The following STK24 variants were observed in gnomAD, a reference collection of about 807,000 sequenced individuals.
STK24 encodes the protein serine/threonine kinase 24, also known as serine/threonine-protein kinase 24.
A neutral mutation model predicts 55.6 loss-of-function variants in STK24; 21 were observed. That is an observed-to-expected ratio of 0.38 (90% CI 0.27 to 0.54). The LOEUF (loss-of-function observed/expected upper bound fraction) is 0.54, where lower values mean the gene tolerates loss of function less well. Among genes scored for constraint, STK24 ranks in the 20% least tolerant of loss-of-function variants. The pLI is 0.79. For missense variants in STK24, 383 were observed against 538.4 expected (o/e 0.71, Z 2.86); for synonymous variants, 200 against 215.2 (o/e 0.93, Z 0.62).
chr13:98,574,005 AT>A (rs1322819805), intron 1 of STK24, among the ~76,000 whole-genome samples: 1 of 146,948 alleles, frequency 6.8e-6, no homozygotes, highest in African/African-American at 2.6e-5. Flanking sequence ...ACTCTGCTTT[AT>A]TTTTTTATTT....
Position 98,546,130 on chromosome 13 carries a change from G to A in STK24, c.43-26657C>T, listed in dbSNP as rs977431205. Among the ~76,000 whole-genome samples, 7 of 152,166 alleles carry A rather than the reference G, an allele frequency of 4.6e-5. 1 individual carries two copies. The East Asian group carries it at 5.8e-4, about 13-fold the overall frequency. On this transcript the variant is annotated intron_variant, in intron 1 of 10. Transcript: ENST00000539966. ...TTTAAAAGACAATGCACAGATGACC[G>A]CTGCGGCAAAGGCTGGGCAGGGTGC...
chr13:98,572,994 A>T (rs1288443719), intron 1 of STK24, among the ~76,000 whole-genome samples: 1 of 152,168 alleles, frequency 6.6e-6, no homozygotes, highest in Non-Finnish European at 1.5e-5. Flanking sequence ...ATGCTCCAAA[A>T]TATGAAACTT....
intron 7 of STK24, among the ~76,000 whole-genome samples, chr13:98,462,753 A>T (rs1048228196): frequency 6.6e-6 from 1 of 152,142 alleles, no homozygotes; most frequent in Non-Finnish European, 1.5e-5. Flanking sequence ...TCTCTCCTGG[A>T]CAACTCAGAC....
chr13:98,466,875 AGAG>A (rs1351377885), intron 5 of STK24, among the ~76,000 whole-genome samples: 3 of 152,170 alleles, frequency 2.0e-5, no homozygotes, highest in Non-Finnish European at 2.9e-5. Context: ...AGGTGAGCAG[AGAG>A]GAGGAGTCCG....
In STK24 at chr13:98,451,005, G is replaced by A. The variant is rs958109586; in HGVS notation, c.*2168C>T. On this transcript the variant is annotated 3_prime_UTR_variant, in exon 11 of 11. Transcript: ENST00000539966. ...ACCACTTGTTGCTCTACGGGGGAAG[G>A]GGCTGAGTATGATTTGTCTGGCGAC... is the stretch of plus-strand genomic sequence containing the variant. 1 of 152,168 alleles carries A rather than the reference G, an allele frequency of 6.6e-6. No individual in the cohort carries two copies. Among genetic ancestry groups the A allele is most frequent in the African/African-American group, 2.4e-5 (1 of 41,426 alleles). The allele number at this position is 152,168 out of a possible 1,614,324, so 9.4% of individuals were successfully genotyped here. A position where few individuals can be genotyped will look rare whatever the true frequency, so the allele number is the denominator to read the frequency against.
Position 98,576,824 on chromosome 13 carries a change from G to A in STK24, c.-38C>T, listed in dbSNP as rs1897913374. Reference sequence around the variant, plus strand: ...GGCCACTTCCTGGGACGGGACGGCCGGGCCGCGACGATCCGCGCGGGGCGG... The same window carrying A: ...GGCCACTTCCTGGGACGGGACGGCCAGGCCGCGACGATCCGCGCGGGGCGG... On this transcript the variant is annotated 5_prime_UTR_variant, in exon 1 of 11. Transcript: ENST00000539966. The A allele has an allele frequency of 1.3e-5, 16 of 1,203,854 alleles. No individual in the cohort carries two copies. Among genetic ancestry groups the A allele is most frequent in the South Asian group, 5.9e-5 (2 of 34,088 alleles). 74.6% of individuals were successfully genotyped at this position (1,203,854 alleles called of 1,614,324 possible).
At chr13:98,563,356 T>C (rs1897480138) in intron 1 of STK24, among the ~76,000 whole-genome samples, 2 of 152,140 alleles carry the variant, frequency 1.3e-5, no homozygotes. Context: ...TGCAAGTAGT[T>C]TCACTTCACA....
chr13:98,512,169 T>TG (rs1566377557), intron 2 of STK24, among the ~76,000 whole-genome samples: 1 of 152,188 alleles, frequency 6.6e-6, no homozygotes, highest in Non-Finnish European at 1.5e-5. Context: ...ATTACAGGCG[T>TG]GAGCCACTGT....
chr13:98,571,141 G>A (rs1371539231), intron 1 of STK24, among the ~76,000 whole-genome samples: 5 of 152,150 alleles, frequency 3.3e-5, no homozygotes, highest in Non-Finnish European at 7.3e-5. Context: ...CCTGGACTGC[G>A]GCTTTAGAGT....
At chr13:98,457,634 T>C (rs561095492) in intron 9 of STK24, among the ~76,000 whole-genome samples, 2 of 152,156 alleles carry the variant, frequency 1.3e-5, no homozygotes, top group African/African-American at 4.8e-5. Context: ...CATGCCCAGC[T>C]AGTTTTTGTA....
At position 98,475,281 on chromosome 13, in the gene STK24, A is replaced by G; in HGVS notation, c.408T>C (p.His136=). 3.7e-6 allele frequency: 6 copies of G among 1,613,244 alleles called. No homozygotes were observed. The highest frequency in any genetic ancestry group is 5.1e-6 in the Non-Finnish European group (6 of 1,179,434). Residue 136 remains histidine (H), a synonymous_variant, in exon 4 of 11, where the codon CAT becomes CAC. Coordinates refer to ENST00000539966, the MANE Select transcript of STK24 (RefSeq NM_001032296.4). ...REILKGLDYL[H]SEKKIHRDIK... is the part of the protein sequence containing the mutation. ...TGTCTCTGTGGATTTTCTTCTCCGA[A>G]TGGAGATAATCGAGTCCTTTCAGTA...
chr13:98,525,835 T>C (rs1336697318), intron 1 of STK24, among the ~76,000 whole-genome samples: 2 of 152,374 alleles, frequency 1.3e-5, no homozygotes, highest in Admixed American at 6.5e-5. Context: ...CCAGCACCTG[T>C]GGAGGTGTCT....
At position 98,511,538 on chromosome 13, in the gene STK24, T is replaced by C. The variant is rs557167783; in HGVS notation, c.273+7705A>G. The stretch of plus-strand genomic sequence containing the variant: ...AACACTGTTCATAATCACCAAATTC[T>C]GGAAACACCCACATGTCCTTCGATA... On this transcript the variant is annotated intron_variant, in intron 2 of 10. Transcript: ENST00000539966. Among the ~76,000 whole-genome samples the C allele has an allele frequency of 9.2e-5, 14 of 152,362 alleles. No individual in the cohort carries two copies. The East Asian group carries it at 2.7e-3, about 29-fold the overall frequency.
At chr13:98,488,625 T>A (rs966209582) in intron 2 of STK24, among the ~76,000 whole-genome samples, 18 of 152,284 alleles carry the variant, frequency 1.2e-4, no homozygotes, top group African/African-American at 3.4e-4. Flanking sequence ...TGGTAATTTT[T>A]GCTTACAGAA....
chr13:98,576,423 A>ACAGGGCCACCCAGGGC (rs1217698747), intron 1 of STK24, among the ~76,000 whole-genome samples: 1 of 151,954 alleles, frequency 6.6e-6, no homozygotes, highest in Non-Finnish European at 1.5e-5. Context: ...TCTCCCGGGG[A>ACAGGGCCACCCAGGGC]CAGGGCCACC....
At position 98,460,402 on chromosome 13, in the gene STK24, T is replaced by C. The variant is rs146811414; in HGVS notation, c.1092A>G (p.Leu364=). Residue 364 remains leucine (L), a synonymous_variant, in exon 9 of 11, where the codon TTA becomes TTG. Coordinates refer to ENST00000539966, the MANE Select transcript of STK24 (RefSeq NM_001032296.4). ...DIPKRPFSQC[L]STIISPLFAE... The stretch of plus-strand genomic sequence containing the variant: ...CAAACAGAGGAGAAATAATTGTAGA[T>C]AAACACTGAGAGAAAGGCCTCTTCG... 4.2e-5 allele frequency: 67 copies of C among 1,613,216 alleles called. No individual in the cohort carries two copies. The African/African-American group carries it at 7.6e-4, about 18-fold the overall frequency.
chr13:98,500,626 C>T (rs1436289295), intron 2 of STK24, among the ~76,000 whole-genome samples: 1 of 148,114 alleles, frequency 6.8e-6, no homozygotes, highest in African/African-American at 2.5e-5. Context: ...CACCCCCACC[C>T]CCCACCACTC....
intron 2 of STK24, among the ~76,000 whole-genome samples, chr13:98,507,622 T>C (rs1180293576): frequency 1.3e-5 from 2 of 152,174 alleles, no homozygotes; most frequent in Non-Finnish European, 2.9e-5. Context: ...GCCAAATCAA[T>C]TACAGACTGC....
At position 98,571,516 on chromosome 13, in the gene STK24, T is replaced by C. The variant is rs1388838486; in HGVS notation, c.42+5229A>G. 2.6e-5 allele frequency among the ~76,000 whole-genome samples: 4 copies of C among 152,122 alleles called. No individual in the cohort carries two copies. The East Asian group carries it at 7.7e-4, about 29-fold the overall frequency. On this transcript the variant is annotated intron_variant, in intron 1 of 10. Coordinates refer to ENST00000539966, the MANE Select transcript of STK24 (RefSeq NM_001032296.4). ...TCTGAGACTGGACTCCTCCAAAAGT[T>C]TGGGTTTTTCTAATTTAAAAAAACC...
Sources: gnomAD v4.1 joint callset for allele counts (sites outside exome capture counted in the v4.1 genomes callset) on GRCh38, gnomAD v4.1.1 for gene constraint, MANE v1.5 for transcripts, NCBI Gene and HGNC (gene_info 2026-07-23, HGNC 2026-07-21) for gene names.